The following NT5DC2 variants were observed in gnomAD, a reference collection of about 807,000 sequenced individuals.
NT5DC2 encodes 5'-nucleotidase domain containing 2.
Under a neutral mutation model 70.0 loss-of-function variants are expected in NT5DC2, and 41 were observed. The observed-to-expected ratio is 0.59, with a 90% CI of 0.46 to 0.76. The LOEUF (loss-of-function observed/expected upper bound fraction) is 0.76. Ranked by LOEUF, NT5DC2 falls within the 30% of genes least tolerant of loss-of-function variation. The probability of loss-of-function intolerance (pLI) is 0.00; values close to 1 mark genes in which losing one functional copy is unlikely to be tolerated. For synonymous variants in NT5DC2, 299 were observed against 310.4 expected, an observed-to-expected ratio of 0.96 and a Z score of 0.39; for missense variants, 705 against 783.2, an observed-to-expected ratio of 0.90 and a Z score of 1.19.
chr3:52,528,803 A>G (rs111943011), intron 3 of NT5DC2, 58 bp downstream of exon 3: 22,386 of 1,601,230 alleles, frequency 0.014, 864 homozygotes, highest in African/African-American at 0.14. Context: ...ACGGAGGGGT[A>G]ATGACCATAC....
In NT5DC2 at chr3:52,533,778, AGCCCGCCGCCCGCC is replaced by A. The variant is rs1303435542; in HGVS notation, c.-55_-42del. On this transcript the variant is annotated 5_prime_UTR_variant, in exon 1 of 14. Coordinates refer to ENST00000422318, the MANE Select transcript of NT5DC2 (RefSeq NM_001134231.2). ...CCCGCCGCCCGCGCTGCCCTCGGCCAGCCCGCCGCCCGCCGCCCGCCGCCCTCCGACTGCGCGCC... is the reference window on the plus strand; with the variant it reads ...CCCGCCGCCCGCGCTGCCCTCGGCCAGCCCGCCGCCCTCCGACTGCGCGCC... 18 of 963,338 alleles carry A rather than the reference AGCCCGCCGCCCGCC, an allele frequency of 1.9e-5. No individual in the cohort carries two copies. The highest frequency in any genetic ancestry group is 5.4e-5 in the African/African-American group (3 of 55,932). 59.7% of individuals were successfully genotyped at this position (963,338 alleles called of 1,614,324 possible).
At chr3:52,534,485 G>C, upstream of NT5DC2, 5 of 1,611,618 alleles carry the variant, frequency 3.1e-6, no homozygotes, top group Non-Finnish European at 2.5e-6. Flanking sequence ...TGTGGGCCAC[G>C]GTCACTGCGC....
chr3:52,529,363 G>A lies in NT5DC2; in HGVS notation c.233-29C>T. The A allele has an allele frequency of 6.2e-7, 1 of 1,602,698 alleles. No homozygotes were observed. ...GAGGAAGGAGATGCAGGGAGGCAGTGATGGGGATGATGATCCCTGCAGCAG... is the reference window on the plus strand; with the variant it reads ...GAGGAAGGAGATGCAGGGAGGCAGTAATGGGGATGATGATCCCTGCAGCAG... On this transcript the variant is annotated intron_variant, in intron 1 of 13. Transcript: ENST00000422318. The surrounding 1 kb of genome is among the most constrained non-coding windows in gnomAD (Gnocchi z 4.1).
Position 52,527,950 on chromosome 3 carries a change from CTG to C in NT5DC2, c.833-21_833-20del. The C allele has an allele frequency of 6.2e-7, 1 of 1,613,514 alleles. No individual in the cohort carries two copies. The highest frequency in any genetic ancestry group is 8.5e-7 in the Non-Finnish European group (1 of 1,179,970). ...TACTTCTCTAATGGGGCAGATGAGT[CTG>C]TGAGGGTCAGTCCTGCCACCTGCTC... On this transcript the variant is annotated intron_variant, in intron 7 of 13. Transcript: ENST00000422318.
rs764470043 is a variant in NT5DC2, at chr3:52,528,741, G to A, written c.493-49C>T. 1.0e-4 allele frequency: 163 copies of A among 1,605,246 alleles called. 1 individual carries two copies. Among genetic ancestry groups the A allele is most frequent in the Non-Finnish European group, 1.2e-4 (137 of 1,173,408 alleles). ...CGGATGGTGAGGAGGCAGTTTCACCGTGGCCCCAAGCCAGCCTCTTTCAGC... is the reference window on the plus strand; with the variant it reads ...CGGATGGTGAGGAGGCAGTTTCACCATGGCCCCAAGCCAGCCTCTTTCAGC... On this transcript the variant is annotated intron_variant, in intron 3 of 13. Coordinates refer to ENST00000422318, the MANE Select transcript of NT5DC2 (RefSeq NM_001134231.2).
Position 52,525,113 on chromosome 3 carries a change from G to C in NT5DC2, c.1207-10C>G. 1 of 1,573,512 alleles carries C rather than the reference G, an allele frequency of 6.4e-7. No homozygotes were observed. Among genetic ancestry groups the C allele is most frequent in the Non-Finnish European group, 8.6e-7 (1 of 1,159,734 alleles). The stretch of plus-strand genomic sequence containing the variant: ...GCCGCAGCATGAGATCCTGGTGGGT[G>C]GGGCGGCAGAACTGGGCTCAGCGCC... On this transcript the variant is annotated splice_polypyrimidine_tract_variant and intron_variant, in intron 11 of 13. Transcript: ENST00000422318.
rs182290702 is a variant in NT5DC2 at position 52,527,331 on chromosome 3, C to T, written c.1082G>A (p.Arg361Gln). Reference protein sequence around the residue: ...LDEKGSLQWDRITRLEKGKIY... With the variant: ...LDEKGSLQWDQITRLEKGKIY... ...CTTGCCCTTTTCCAAGCGGGTGATC[C>T]GGTCCCACTGAAGTGAGCCCTTCTC... The change falls in exon 10 of 14, where the codon CGG (arginine) becomes CAG (glutamine). Residue 361 changes from arginine to glutamine, a missense_variant. Physicochemically the swap from Arg to Gln is conservative, Grantham distance 43 (BLOSUM62 1). Coordinates refer to ENST00000422318, the MANE Select transcript of NT5DC2 (RefSeq NM_001134231.2). 205 of 1,614,138 alleles carry T rather than the reference C, an allele frequency of 1.3e-4. No individual in the cohort carries two copies. The Admixed American group carries it at 2.7e-3, about 21-fold the overall frequency.
At chr3:52,534,712 C>T (rs1381645754), upstream of NT5DC2, 2 of 1,553,490 alleles carry the variant, frequency 1.3e-6, no homozygotes, top group Admixed American at 1.8e-5. Context: ...GCTCAGGGTC[C>T]GGAGGAGGCC....
At chr3:52,525,138 C>T in intron 11 of NT5DC2, 35 bp from the exon 12 acceptor site, 1 of 700,146 alleles carries the variant, frequency 1.4e-6, no homozygotes, top group Non-Finnish European at 2.2e-6. Flanking sequence ...GGCTCAGCGC[C>T]AGTTGCTGGG....
chr3:52,530,092 A>G (rs1030975421), intron 1 of NT5DC2: 1 of 152,274 alleles, frequency 6.6e-6, no homozygotes, highest in African/African-American at 2.4e-5. Flanking sequence ...AGGCCCCTCT[A>G]ATCAGATTTC....
chr3:52,525,526 C>G (rs1463676300), intron 10 of NT5DC2: 2 of 557,928 alleles, frequency 3.6e-6, no homozygotes, highest in Non-Finnish European at 6.5e-6. Flanking sequence ...GTGCCCATGC[C>G]TCGAGGGCCT....
chr3:52,526,425 A>C (rs913204508), intron 10 of NT5DC2: 4 of 152,324 alleles, frequency 2.6e-5, no homozygotes, highest in African/African-American at 9.6e-5. Flanking sequence ...TAGCCTGAAG[A>C]AGCCCAGCTC....
intron 1 of NT5DC2, chr3:52,532,089 C>G (rs993916673): frequency 1.5e-5 from 11 of 745,350 alleles, no homozygotes; most frequent in African/African-American, 1.9e-5. Flanking sequence ...TTGCACTGCT[C>G]TCAGCCCGTG....
At chr3:52,525,327 A>G (rs1436024553) in intron 10 of NT5DC2, 32 bp from the exon 11 acceptor site, 1 of 1,564,126 alleles carries the variant, frequency 6.4e-7, no homozygotes, top group Non-Finnish European at 8.8e-7. Flanking sequence ...TGCTGAGCCA[A>G]GTGTGCCTTG....
rs768634601 is a variant in NT5DC2, at chr3:52,533,601, ACGCCGGGGCAGTGGG to A, written c.122_136del (p.Ala41_Gly45del). The A allele has an allele frequency of 2.3e-4, 296 of 1,260,286 alleles. 1 individual carries two copies. In the Middle Eastern group the frequency reaches 2.5e-3, roughly 10 times the overall value. The allele number at this position is 1,260,286 out of a possible 1,614,324, so 78.1% of individuals were successfully genotyped here. Reference sequence around the variant, plus strand: ...TGCCTGGGCGGGCGCGGAGCGCGGGACGCCGGGGCAGTGGGCGCCGGGACCCGGGGGGCCGCACCC... The same window carrying A: ...TGCCTGGGCGGGCGCGGAGCGCGGGACGCCGGGACCCGGGGGGCCGCACCC... On this transcript the variant is annotated inframe_deletion, in exon 1 of 14. Coordinates refer to ENST00000422318, the MANE Select transcript of NT5DC2 (RefSeq NM_001134231.2).
In NT5DC2 at chr3:52,529,008, G is replaced by C; in HGVS notation, c.418-73C>G. 3 of 1,591,306 alleles carry C rather than the reference G, an allele frequency of 1.9e-6. No homozygotes were observed. Among genetic ancestry groups the C allele is most frequent in the Non-Finnish European group, 2.6e-6 (3 of 1,160,218 alleles). On this transcript the variant is annotated intron_variant, in intron 2 of 13. Transcript: ENST00000422318. The surrounding 1 kb of genome is among the most constrained non-coding windows in gnomAD (Gnocchi z 4.1). ...TGCTGGCTGGGTGGCCACCCCAGGGGGTCAATCCAGCCACCTGCCCAGGGC... is the reference window on the plus strand; with the variant it reads ...TGCTGGCTGGGTGGCCACCCCAGGGCGTCAATCCAGCCACCTGCCCAGGGC...
At chr3:52,526,203 G>T (rs1426797225) in intron 10 of NT5DC2, 2 of 152,390 alleles carry the variant, frequency 1.3e-5, no homozygotes, top group Admixed American at 1.3e-4. Context: ...CCAAGGCAGG[G>T]GAGAGCAGCG....
Position 52,528,314 on chromosome 3 carries a change from G to A in NT5DC2, c.643-3C>T, listed in dbSNP as rs2079310009. On this transcript the variant is annotated splice_polypyrimidine_tract_variant and splice_region_variant and intron_variant, in intron 5 of 13. Coordinates refer to ENST00000422318, the MANE Select transcript of NT5DC2 (RefSeq NM_001134231.2). ...ATGAACTGCTTAATGGAGGGACCCT[G>A]GGGAGGGGGCCATTGTCTCAGACAC... is the stretch of plus-strand genomic sequence containing the variant. The A allele has an allele frequency of 6.2e-7, 1 of 1,613,174 alleles. No individual in the cohort carries two copies. Among genetic ancestry groups the A allele is most frequent in the Non-Finnish European group, 8.5e-7 (1 of 1,180,008 alleles).
upstream of NT5DC2, chr3:52,533,936 G>T: frequency 1.6e-6 from 1 of 627,400 alleles, no homozygotes; most frequent in Non-Finnish European, 2.0e-6. Context: ...ACCCGGCGGG[G>T]CGGGGCGGGG....
Sources: allele counts gnomAD v4.1 joint callset, GRCh38; gene constraint gnomAD v4.1.1; non-coding constraint Gnocchi (gnomAD v3.1); transcripts MANE v1.5; gene names NCBI Gene and HGNC (gene_info 2026-07-23, HGNC 2026-07-21).